The following TMEM266 variants were observed in gnomAD, a reference collection of about 807,000 sequenced individuals.
TMEM266 encodes Hv1 related protein 1.
A neutral mutation model predicts 50.5 loss-of-function variants in TMEM266; 33 were observed. The observed-to-expected ratio is 0.65, with a 90% CI of 0.50 to 0.87. The LOEUF (loss-of-function observed/expected upper bound fraction) is 0.87, where lower values mean the gene tolerates loss of function less well. Ranked by LOEUF, TMEM266 falls within the 40% of genes least tolerant of loss-of-function variation. The probability of loss-of-function intolerance (pLI) is 0.00; values close to 1 mark genes in which losing one functional copy is unlikely to be tolerated. For synonymous variants in TMEM266, 310 were observed against 292.3 expected, an observed-to-expected ratio of 1.06 and a Z score of -0.62; for missense variants, 655 against 695.1, an observed-to-expected ratio of 0.94 and a Z score of 0.65.
At chr15:76,119,050 C>T in intron 1 of TMEM266, among the ~76,000 whole-genome samples, 1 of 152,146 alleles carries the variant, frequency 6.6e-6, no homozygotes, top group East Asian at 1.9e-4. Context: ...GACTGACTTC[C>T]CTGGGAATGA....
Position 76,137,705 on chromosome 15 carries a change from A to G in TMEM266, c.39-2A>G, listed in dbSNP as rs778828569. The stretch of plus-strand genomic sequence containing the variant: ...TCCCATTGTTCCTCCTCTCCAACCC[A>G]GGCCTGCCATAGAAGGAGGAATTTC... On this transcript the variant is annotated splice_acceptor_variant, in intron 2 of 10. Coordinates refer to ENST00000388942, the MANE Select transcript of TMEM266 (RefSeq NM_152335.3). LOFTEE classifies it high-confidence loss of function. 4.3e-6 allele frequency: 7 copies of G among 1,613,844 alleles called. No homozygotes were observed. In the African/African-American group the frequency reaches 8.0e-5, roughly 18 times the overall value.
chr15:76,128,526 GT>G (rs2142024868), intron 1 of TMEM266, among the ~76,000 whole-genome samples: 1 of 152,310 alleles, frequency 6.6e-6, no homozygotes, highest in East Asian at 1.9e-4. Context: ...CTTTTACCAG[GT>G]TTATGGAATA....
intron 8 of TMEM266, among the ~76,000 whole-genome samples, chr15:76,189,071 C>T (rs1044443238): frequency 5.3e-5 from 8 of 152,094 alleles, no homozygotes; most frequent in Non-Finnish European, 7.4e-5. Flanking sequence ...ATGTGCCTGT[C>T]GTCCCAGTTA....
At chr15:76,101,994 GA>G (rs1367204657) in intron 1 of TMEM266, among the ~76,000 whole-genome samples, 2 of 152,212 alleles carry the variant, frequency 1.3e-5, no homozygotes, top group South Asian at 4.1e-4. Flanking sequence ...CATACAGATG[GA>G]GGCTGTGGGA....
intron 1 of TMEM266, among the ~76,000 whole-genome samples, chr15:76,084,157 C>CA (rs1377895057): frequency 6.6e-6 from 1 of 151,710 alleles, no homozygotes; most frequent in East Asian, 1.9e-4. Context: ...TATGAAAAAT[C>CA]AAAAAAATTA....
At chr15:76,200,889 A>G (rs941778037) in intron 9 of TMEM266, among the ~76,000 whole-genome samples, 1 of 152,162 alleles carries the variant, frequency 6.6e-6, no homozygotes, top group Non-Finnish European at 1.5e-5. Flanking sequence ...TAAAGATCAA[A>G]AGAGGCCAGA....
At position 76,139,961 on chromosome 15, in the gene TMEM266, C is replaced by T. The variant is rs2037652278; in HGVS notation, c.227+2066C>T. Among the ~76,000 whole-genome samples the T allele has an allele frequency of 1.3e-5, 2 of 152,340 alleles. No individual in the cohort carries two copies. Among genetic ancestry groups the T allele is most frequent in the South Asian group, 2.1e-4 (1 of 4,828 alleles). Reference sequence around the variant, plus strand: ...GTCCTGTGCTGTGGTGTACCCCTTTCCAGGTATCCCCTGTGTATCACTCCC... The same window carrying T: ...GTCCTGTGCTGTGGTGTACCCCTTTTCAGGTATCCCCTGTGTATCACTCCC... On this transcript the variant is annotated intron_variant, in intron 3 of 10. Coordinates refer to ENST00000388942, the MANE Select transcript of TMEM266 (RefSeq NM_152335.3). The surrounding 1 kb of genome is among the most constrained non-coding windows in gnomAD (Gnocchi z 4.1).
intron 1 of TMEM266, among the ~76,000 whole-genome samples, chr15:76,133,457 TAAA>T (rs1281201407): frequency 2.6e-5 from 4 of 151,960 alleles, no homozygotes; most frequent in Admixed American, 6.6e-5. Flanking sequence ...ATAAATAAAA[TAAA>T]TAATAATAAT....
At chr15:76,116,348 G>A (rs1355668067) in intron 1 of TMEM266, among the ~76,000 whole-genome samples, 1 of 152,156 alleles carries the variant, frequency 6.6e-6, no homozygotes, top group Non-Finnish European at 1.5e-5. Flanking sequence ...CATACTGCAC[G>A]CAGCCTCGCA....
intron 8 of TMEM266, among the ~76,000 whole-genome samples, chr15:76,178,168 A>G (rs1180197504): frequency 6.6e-6 from 1 of 152,136 alleles, no homozygotes. Context: ...AGCCTGGAGG[A>G]TTAAAAGCAG....
intron 1 of TMEM266, among the ~76,000 whole-genome samples, chr15:76,105,912 T>C (rs1270248011): frequency 6.6e-6 from 1 of 152,166 alleles, no homozygotes; most frequent in Non-Finnish European, 1.5e-5. Context: ...TTTATTACAG[T>C]AACATTGTGT....
At chr15:76,066,652 A>G (rs1001757266) in intron 1 of TMEM266, among the ~76,000 whole-genome samples, 1 of 151,958 alleles carries the variant, frequency 6.6e-6, no homozygotes, top group Non-Finnish European at 1.5e-5. Context: ...AAAAAAAAAA[A>G]AAAAATTAAC....
intron 1 of TMEM266, among the ~76,000 whole-genome samples, chr15:76,099,415 A>G (rs961035201): frequency 6.6e-6 from 1 of 152,224 alleles, no homozygotes; most frequent in Non-Finnish European, 1.5e-5. Context: ...CCCACTGTCC[A>G]ACGAGTCCCA....
chr15:76,110,621 G>A (rs990747537), intron 1 of TMEM266, among the ~76,000 whole-genome samples: 6 of 152,144 alleles, frequency 3.9e-5, no homozygotes, highest in Admixed American at 1.3e-4. Context: ...AGGTGCTGGA[G>A]GTCAAAGATC....
At chr15:76,184,019 C>T (rs758758007) in intron 8 of TMEM266, among the ~76,000 whole-genome samples, 20 of 152,212 alleles carry the variant, frequency 1.3e-4, no homozygotes, top group African/African-American at 4.1e-4. Context: ...AGAATGCCAA[C>T]GGCTCTGCGT....
intron 8 of TMEM266, among the ~76,000 whole-genome samples, chr15:76,183,103 CTTTTTTTTT>C (rs71140199): frequency 7.9e-4 from 35 of 44,166 alleles, no homozygotes; most frequent in Admixed American, 3.3e-3. Flanking sequence ...CATTTTGTGG[CTTTTTTTTT>C]TTTTTTTTTT....
intron 5 of TMEM266, among the ~76,000 whole-genome samples, chr15:76,164,736 C>T (rs1024538647): frequency 2.6e-5 from 4 of 152,204 alleles, no homozygotes; most frequent in Non-Finnish European, 5.9e-5. Context: ...TTCCTTAGAC[C>T]AGCCTGCTCC....
At chr15:76,135,577 C>T (rs2037575942) in intron 2 of TMEM266, among the ~76,000 whole-genome samples, 1 of 152,246 alleles carries the variant, frequency 6.6e-6, no homozygotes, top group African/African-American at 2.4e-5. Context: ...CCAGCATCTG[C>T]TTTTTGGGAA....
rs1261797204 is a variant in TMEM266, at chr15:76,134,275, T to C, written c.12T>C (p.Ala4=). The C allele has an allele frequency of 6.2e-7, 1 of 1,613,946 alleles. No individual in the cohort carries two copies. The highest frequency in any genetic ancestry group is 1.3e-5 in the African/African-American group (1 of 74,900). The change falls in exon 2 of 11, where the codon GCT becomes GCC. Residue 4 remains alanine, a synonymous_variant. Transcript: ENST00000388942. The stretch of plus-strand genomic sequence containing the variant: ...CACCAAGAAAACCCATGGCTGTGGC[T>C]CCATCTTTCAACATGACCAATCCAC...
Sources: gnomAD v4.1 joint callset for allele counts (sites outside exome capture counted in the v4.1 genomes callset) on GRCh38, gnomAD v4.1.1 for gene constraint, Gnocchi (gnomAD v3.1) non-coding constraint, MANE v1.5 for transcripts, NCBI Gene and HGNC (gene_info 2026-07-23, HGNC 2026-07-21) for gene names.